CD2: variants seen among roughly 807,000 people sequenced by gnomAD.
The protein encoded by CD2 is CD2 molecule, also known as T-cell surface antigen CD2.
In CD2, 18 loss-of-function variants were observed where a neutral mutation model predicts 23.2. The ratio of observed to expected loss-of-function variants is 0.77; its 90% CI spans 0.54 to 1.15. CD2 has a LOEUF of 1.15. CD2 is among the 50% of genes most tolerant of loss of function. The pLI is 0.00. For synonymous variants in CD2, 162 were observed against 151.9 expected, an observed-to-expected ratio of 1.07 and a Z score of -0.49; for missense variants, 424 against 423.1, an observed-to-expected ratio of 1.00 and a Z score of -0.02.
rs982571044 is a variant in CD2 at position 116,760,688 on chromosome 1, G to A, written c.613+56G>A. On this transcript the variant is annotated intron_variant, in intron 3 of 4. Transcript: ENST00000369478. ...GCCTGCCAGGCCCTCAGTAGGCAGA[G>A]GCATGCTGCTCCAGGTCACAGGTGC... 9.6e-6 allele frequency: 13 copies of A among 1,355,760 alleles called. No homozygotes were observed. The Admixed American group carries it at 1.4e-4, about 15-fold the overall frequency. 84.0% of individuals were successfully genotyped at this position (1,355,760 alleles called of 1,614,324 possible).
chr1:116,763,998 G>A (rs577420134), intron 3 of CD2, among the ~76,000 whole-genome samples: 1 of 152,096 alleles, frequency 6.6e-6, no homozygotes, highest in Admixed American at 6.5e-5. Context: ...GAATCATGGT[G>A]CAGTGGGGGT....
At chr1:116,757,711 A>T (rs1310383579) in intron 2 of CD2, among the ~76,000 whole-genome samples, 5 of 152,098 alleles carry the variant, frequency 3.3e-5, no homozygotes, top group African/African-American at 9.7e-5. Context: ...GTAAGATCAC[A>T]TAAATTAGTT....
intron 2 of CD2, among the ~76,000 whole-genome samples, chr1:116,757,475 C>T (rs1460108672): frequency 6.6e-6 from 1 of 152,076 alleles, no homozygotes; most frequent in Non-Finnish European, 1.5e-5. Flanking sequence ...TGGATCAGTT[C>T]TAAGACGCTA....
At chr1:116,763,220 A>G (rs532523347) in intron 3 of CD2, among the ~76,000 whole-genome samples, 1 of 152,338 alleles carries the variant, frequency 6.6e-6, no homozygotes, top group South Asian at 2.1e-4. Flanking sequence ...TGGGTCAGAG[A>G]GAGACTCGAG....
In CD2 at chr1:116,764,576, A is replaced by G; in HGVS notation, c.706A>G (p.Lys236Glu). ...FVALLVFYIT[K>E]RKKQRSRRND... ...GGCACTGCTCGTTTTCTATATCACC[A>G]AAAGGAAAAAACAGAGGAGTCGGAG... Residue 236 changes from lysine to glutamate, a missense_variant, in exon 4 of 5, where the codon AAA becomes GAA. Transcript: ENST00000369478. 4 of 1,614,030 alleles carry G rather than the reference A, an allele frequency of 2.5e-6. No individual in the cohort carries two copies. Among genetic ancestry groups the G allele is most frequent in the Non-Finnish European group, 3.4e-6 (4 of 1,179,978 alleles).
rs1346203606 is a variant in CD2, at chr1:116,768,787, A to C, written c.*4A>C. ...ATTGTCCCCTTCCTCTAATTAAAAA[A>C]GATAGAAACTGTCTTTTTCAATAAA... On this transcript the variant is annotated 3_prime_UTR_variant, in exon 5 of 5. Coordinates refer to ENST00000369478, the MANE Select transcript of CD2 (RefSeq NM_001767.5). 1 of 1,603,764 alleles carries C rather than the reference A, an allele frequency of 6.2e-7. No homozygotes were observed. Among genetic ancestry groups the C allele is most frequent in the African/African-American group, 1.3e-5 (1 of 74,242 alleles).
At chr1:116,764,634 C>T (rs2101168222) in intron 4 of CD2, 28 bp downstream of exon 4, 4 of 1,568,068 alleles carry the variant, frequency 2.6e-6, no homozygotes, top group East Asian at 2.2e-5. Flanking sequence ...TGTCCCACCG[C>T]AGGCCCCAGC....
At position 116,767,050 on chromosome 1, in the gene CD2, G is replaced by A. The variant is rs139662147; in HGVS notation, c.737-1414G>A. ...AACCTAAGCAATGACTGCAGGGCAC[G>A]GAAGATGGCATAGAGGATGTGTTTT... On this transcript the variant is annotated intron_variant, in intron 4 of 4. Transcript: ENST00000369478. Among the ~76,000 whole-genome samples the A allele has an allele frequency of 1.6e-3, 239 of 152,236 alleles. 1 individual carries two copies. In the South Asian group the frequency reaches 0.017, roughly 11 times the overall value.
intron 2 of CD2, among the ~76,000 whole-genome samples, chr1:116,759,761 A>T (rs575261737): frequency 6.6e-6 from 1 of 152,298 alleles, no homozygotes; most frequent in African/African-American, 2.4e-5. Context: ...GAAAAGGCAG[A>T]ATCAAGTCTC....
In CD2 at chr1:116,760,346, GTT is replaced by G. The variant is rs1207511254; in HGVS notation, c.383-54_383-53del. On this transcript the variant is annotated intron_variant, in intron 2 of 4. Coordinates refer to ENST00000369478, the MANE Select transcript of CD2 (RefSeq NM_001767.5). ...CATCCCCCACTGTATAAATAGATAT[GTT>G]TATTAAAATCAGAAAATTGCCTAAA... 4.2e-6 allele frequency: 6 copies of G among 1,413,734 alleles called. No homozygotes were observed. The African/African-American group carries it at 8.6e-5, about 20-fold the overall frequency. 87.6% of individuals were successfully genotyped at this position (1,413,734 alleles called of 1,614,324 possible). A position where few individuals can be genotyped will look rare whatever the true frequency, so the allele number is the denominator to read the frequency against.
intron 3 of CD2, 109 bp from the exon 4 acceptor site, chr1:116,764,375 C>G: frequency 6.7e-7 from 1 of 1,493,148 alleles, no homozygotes; most frequent in Non-Finnish European, 8.9e-7. Context: ...GGTGAAAGGT[C>G]CCAACAAGCT....
At chr1:116,767,743 C>A (rs1301161737) in intron 4 of CD2, among the ~76,000 whole-genome samples, 1 of 152,186 alleles carries the variant, frequency 6.6e-6, no homozygotes, top group Non-Finnish European at 1.5e-5. Context: ...CAGCAGGGTG[C>A]TCCAGGCCTC....
chr1:116,765,092 A>G (rs1557919175), intron 4 of CD2, among the ~76,000 whole-genome samples: 2 of 152,186 alleles, frequency 1.3e-5, no homozygotes, highest in South Asian at 4.1e-4. Flanking sequence ...CCCCTTTGCT[A>G]ATTCTCTGTT....
In CD2 at chr1:116,768,854, C is replaced by T. The variant is rs555314296; in HGVS notation, c.*71C>T. 26 of 1,425,546 alleles carry T rather than the reference C, an allele frequency of 1.8e-5. No individual in the cohort carries two copies. The Admixed American group carries it at 2.8e-4, about 15-fold the overall frequency. The allele number at this position is 1,425,546 out of a possible 1,614,324, so 88.3% of individuals were successfully genotyped here. A position where few individuals can be genotyped will look rare whatever the true frequency, so the allele number is the denominator to read the frequency against. On this transcript the variant is annotated 3_prime_UTR_variant, in exon 5 of 5. Transcript: ENST00000369478. ...TGCCCTCCTGATGTGCATATCCGTA[C>T]TTCCATGAGGTGTTTTCTGTGTGCA... is the stretch of plus-strand genomic sequence containing the variant.
At chr1:116,764,443 C>G in intron 3 of CD2, 41 bp from the exon 4 acceptor site, 1 of 1,606,296 alleles carries the variant, frequency 6.2e-7, no homozygotes, top group Non-Finnish European at 8.5e-7. Context: ...GGCTCTCTGC[C>G]TGGACCCCTC....
intron 2 of CD2, among the ~76,000 whole-genome samples, chr1:116,759,989 C>G (rs1041285753): frequency 1.3e-5 from 2 of 152,104 alleles, no homozygotes; most frequent in Admixed American, 1.3e-4. Flanking sequence ...ACTTTCTTAC[C>G]CATACTCCTA....
intron 3 of CD2, 151 bp from the exon 4 acceptor site, chr1:116,764,333 C>A: frequency 7.9e-7 from 1 of 1,268,016 alleles, no homozygotes; most frequent in Non-Finnish European, 1.1e-6. Flanking sequence ...GTTGACACCA[C>A]TCACCACCCT....
At chr1:116,756,399 A>C (rs974620861) in intron 2 of CD2, among the ~76,000 whole-genome samples, 2 of 152,118 alleles carry the variant, frequency 1.3e-5, no homozygotes, top group Non-Finnish European at 2.9e-5. Context: ...GCTTGCTTAC[A>C]TGATCTTATT....
intron 3 of CD2, among the ~76,000 whole-genome samples, chr1:116,762,333 T>G (rs1270749230): frequency 6.6e-6 from 1 of 152,106 alleles, no homozygotes; most frequent in African/African-American, 2.4e-5. Flanking sequence ...TAAATATGTG[T>G]GTGTATTAGG....
Sources: gnomAD v4.1 joint callset for allele counts (sites outside exome capture counted in the v4.1 genomes callset) on GRCh38, gnomAD v4.1.1 for gene constraint, MANE v1.5 for transcripts, NCBI Gene and HGNC (gene_info 2026-07-23, HGNC 2026-07-21) for gene names.